TLN2: variants seen among roughly 807,000 people sequenced by gnomAD.
TLN2 encodes talin-2.
Under a neutral mutation model 294.7 loss-of-function variants are expected in TLN2, and 118 were observed. The ratio of observed to expected loss-of-function variants is 0.40; its 90% CI spans 0.34 to 0.47. The LOEUF is 0.47. Among genes scored for constraint, TLN2 ranks in the 20% least tolerant of loss-of-function variants. TLN2 has a pLI of 0.84. For synonymous variants in TLN2, 1,431 were observed against 1,304.5 expected, an observed-to-expected ratio of 1.10 and a Z score of -2.09; for missense variants, 3,083 against 3,282.2, an observed-to-expected ratio of 0.94 and a Z score of 1.48.
At chr15:62,690,433 C>T (rs1412964223) in intron 12 of TLN2, 3 of 173,656 alleles carry the variant, frequency 1.7e-5, no homozygotes, top group African/African-American at 2.6e-5. Context: ...AGAGACGCTT[C>T]TCACTTCCTA....
rs2070669907 is a variant in TLN2, at chr15:62,841,294, G to C, written c.*684G>C. On this transcript the variant is annotated 3_prime_UTR_variant, in exon 59 of 59. Transcript: ENST00000636159. Reference sequence around the variant, plus strand: ...CCGTAGTCCAAAGGGCAGAGTTGCGGAAGGCCGTCGGGGCTTGGTGAGCAG... The same window carrying C: ...CCGTAGTCCAAAGGGCAGAGTTGCGCAAGGCCGTCGGGGCTTGGTGAGCAG... 2 of 152,864 alleles carry C rather than the reference G, an allele frequency of 1.3e-5. No individual in the cohort carries two copies. Among genetic ancestry groups the C allele is most frequent in the Admixed American group, 1.3e-4 (2 of 15,290 alleles). 9.5% of individuals were successfully genotyped at this position (152,864 alleles called of 1,614,324 possible). A position where few individuals can be genotyped will look rare whatever the true frequency, so the allele number is the denominator to read the frequency against.
chr15:62,599,117 T>C (rs1270249122), intron 2 of TLN2, among the ~76,000 whole-genome samples: 1 of 152,208 alleles, frequency 6.6e-6, no homozygotes, highest in Non-Finnish European at 1.5e-5. Context: ...CAAATATACT[T>C]CTTTTCCAAA....
At chr15:62,411,144 G>A (rs1254932650) in intron 1 of TLN2, among the ~76,000 whole-genome samples, 1 of 152,152 alleles carries the variant, frequency 6.6e-6, no homozygotes, top group South Asian at 2.1e-4. Flanking sequence ...AAGCGTATGT[G>A]TGGACCGAGG....
chr15:62,697,860 C>T lies in TLN2; in HGVS notation c.1465C>T (p.Pro489Ser), dbSNP rs767602563. ...MVGQMHRGHM[P>S]PLTSAQQALM... The stretch of plus-strand genomic sequence containing the variant: ...TGGGCAGATGCACCGAGGCCACATG[C>T]CGCCACTGGTGAGGCTTCCTGTGCT... The change falls in exon 15 of 59, where the codon CCG becomes TCG. Residue 489 changes from proline to serine, a missense_variant. Pro to Ser is a moderately conservative substitution (Grantham distance 74). Coordinates refer to ENST00000636159, the MANE Select transcript of TLN2 (RefSeq NM_015059.3). 16 of 1,611,834 alleles carry T rather than the reference C, an allele frequency of 9.9e-6. No individual in the cohort carries two copies. The highest frequency in any genetic ancestry group is 6.7e-5 in the Admixed American group (4 of 59,944).
chr15:62,675,130 C>T, intron 10 of TLN2, 87 bp from the exon 11 acceptor site: 1 of 1,236,644 alleles, frequency 8.1e-7, no homozygotes. Context: ...AGCCATTTAT[C>T]TCCACCACAT....
intron 1 of TLN2, among the ~76,000 whole-genome samples, chr15:62,530,351 TATTCATTC>T (rs138448735): frequency 5.3e-5 from 8 of 152,032 alleles, no homozygotes; most frequent in East Asian, 1.9e-4. Context: ...TTTATTCATG[TATTCATTC>T]ATTCATTCAT....
chr15:62,421,256 G>A (rs2034373536), intron 1 of TLN2, among the ~76,000 whole-genome samples: 1 of 152,138 alleles, frequency 6.6e-6, no homozygotes, highest in Non-Finnish European at 1.5e-5. Flanking sequence ...GGCTGGTCTT[G>A]AATTGCTGGC....
chr15:62,424,256 CATGATTTGCTGTACCCTACG>C (rs1428613296), intron 1 of TLN2, among the ~76,000 whole-genome samples: 1 of 152,176 alleles, frequency 6.6e-6, no homozygotes, highest in Non-Finnish European at 1.5e-5. Context: ...CCACTCGTGT[CATGATTTGCTGTACCCTACG>C]CTCCCTTTGA....
intron 1 of TLN2, among the ~76,000 whole-genome samples, chr15:62,497,326 A>G (rs1567031329): frequency 6.6e-6 from 1 of 152,144 alleles, no homozygotes; most frequent in African/African-American, 2.4e-5. Context: ...TTCATTTTCT[A>G]TTGGAAATTG....
chr15:62,836,269 T>G (rs2069557609), intron 57 of TLN2, among the ~76,000 whole-genome samples, 196 bp downstream of exon 57: 1 of 152,252 alleles, frequency 6.6e-6, no homozygotes, highest in Non-Finnish European at 1.5e-5. Flanking sequence ...TCTCCTCGTG[T>G]GCCTTCTGGT....
At chr15:62,799,837 A>C (rs2141141166) in intron 48 of TLN2, among the ~76,000 whole-genome samples, 1 of 152,362 alleles carries the variant, frequency 6.6e-6, no homozygotes, top group East Asian at 1.9e-4. Context: ...TGATGGAAAG[A>C]GCTGAGTCCC....
chr15:62,564,923 A>ATATATATAT (rs1442472632), intron 1 of TLN2, among the ~76,000 whole-genome samples: 9 of 102,134 alleles, frequency 8.8e-5, no homozygotes, highest in Non-Finnish European at 4.0e-5. Context: ...AAAAAAAAAA[A>ATATATATAT]AAATATATAT....
At chr15:62,483,136 G>T (rs2038200376) in intron 1 of TLN2, among the ~76,000 whole-genome samples, 1 of 152,164 alleles carries the variant, frequency 6.6e-6, no homozygotes, top group African/African-American at 2.4e-5. Flanking sequence ...GTCTGCATTA[G>T]CTGGGATCTC....
chr15:62,399,256 CAAAAAAAAAA>C (rs546678440), intron 1 of TLN2, among the ~76,000 whole-genome samples: 30 of 58,436 alleles, frequency 5.1e-4, no homozygotes, highest in South Asian at 1.9e-3. Context: ...CCGTCTCAAA[CAAAAAAAAAA>C]AAAAAAAAAA....
intron 45 of TLN2, among the ~76,000 whole-genome samples, 162 bp from the exon 46 acceptor site, chr15:62,792,479 A>G (rs2065141334): frequency 6.6e-6 from 1 of 152,170 alleles, no homozygotes; most frequent in Admixed American, 6.5e-5. Context: ...GGGAAGCAAA[A>G]TCAACCAAAT....
chr15:62,492,159 A>C (rs2140410202), intron 1 of TLN2, among the ~76,000 whole-genome samples: 1 of 152,270 alleles, frequency 6.6e-6, no homozygotes. Context: ...CAGTAAAAGA[A>C]AATAAAAACT....
intron 1 of TLN2, among the ~76,000 whole-genome samples, chr15:62,579,309 A>G (rs1414748529): frequency 6.6e-6 from 1 of 152,228 alleles, no homozygotes; most frequent in African/African-American, 2.4e-5. Context: ...AGAGCAGCAT[A>G]GAAAAATCAC....
intron 1 of TLN2, among the ~76,000 whole-genome samples, chr15:62,446,887 A>C (rs923480031): frequency 2.0e-5 from 3 of 152,240 alleles, no homozygotes; most frequent in African/African-American, 7.2e-5. Flanking sequence ...TAACCATTCA[A>C]ACCGGACAAG....
At chr15:62,415,568 C>A (rs2034024805) in intron 1 of TLN2, among the ~76,000 whole-genome samples, 2 of 101,700 alleles carry the variant, frequency 2.0e-5, no homozygotes, top group Admixed American at 1.3e-4. Flanking sequence ...CTAACAGTGC[C>A]CATTCATTTA....
Sources: allele counts gnomAD v4.1 joint callset (sites outside exome capture counted in the v4.1 genomes callset), GRCh38; gene constraint gnomAD v4.1.1; transcripts MANE v1.5; gene names NCBI Gene and HGNC (gene_info 2026-07-23, HGNC 2026-07-21).